TENM1: variants seen among roughly 807,000 people sequenced by gnomAD.
TENM1 encodes the protein teneurin-1.
In TENM1, 35 loss-of-function variants were observed where a neutral mutation model predicts 174.8. That is an observed-to-expected ratio of 0.20 (90% CI 0.15 to 0.27). The LOEUF (loss-of-function observed/expected upper bound fraction) is 0.27. TENM1 is among the 10% of genes least tolerant of loss of function. The probability of loss-of-function intolerance (pLI) is 1.00; values close to 1 mark genes in which losing one functional copy is unlikely to be tolerated. For missense variants in TENM1, 1,633 were observed against 2,130.1 expected (o/e 0.77, Z 4.59); for synonymous variants, 781 against 798.7 (o/e 0.98, Z 0.37).
chrX:124,879,754 C>CT, intron 3 of TENM1, among the ~76,000 whole-genome samples: 1 of 112,331 alleles, frequency 8.9e-6, no homozygotes, highest in African/African-American at 3.2e-5. Flanking sequence ...TAAGAGTTCC[C>CT]TTTTCTCCTC....
At chrX:124,912,981 C>A (rs1187365329) in intron 1 of TENM1, among the ~76,000 whole-genome samples, 1 of 110,814 alleles carries the variant, frequency 9.0e-6, no homozygotes, top group East Asian at 2.8e-4. Context: ...AAAAATATCA[C>A]TAGATTCCAA....
chrX:124,646,467 G>A (rs140094012), intron 9 of TENM1, among the ~76,000 whole-genome samples: 4,048 of 111,948 alleles, frequency 0.036, 190 homozygotes, highest in African/African-American at 0.12. Context: ...ATAAAAATTG[G>A]ATAATAGCAG....
At chrX:124,899,596 G>A (rs1057479395) in intron 1 of TENM1, among the ~76,000 whole-genome samples, 3 of 111,516 alleles carry the variant, frequency 2.7e-5, no homozygotes, top group African/African-American at 9.8e-5. Flanking sequence ...GAGTGCATAC[G>A]TCTTTATGGT....
At chrX:124,818,461 T>C (rs1459723817) in intron 3 of TENM1, among the ~76,000 whole-genome samples, 1 of 112,189 alleles carries the variant, frequency 8.9e-6, no homozygotes, top group Non-Finnish European at 1.9e-5. Context: ...ATCATTATCA[T>C]TGTCATCATA....
Position 124,381,215 on chromosome X carries a change from C to T in TENM1, c.7520G>A (p.Arg2507Gln), listed in dbSNP as rs750525156. ...TTCAAGGCACCGTCCATCATTGTAT[C>T]GGGGAGTCATAGGTAGTTGGTCCAA... Residue 2507 changes from arginine (R) to glutamine (Q), a missense_variant, in exon 32 of 32, where the codon CGA becomes CAA. Physicochemically the swap from Arg to Gln is conservative, Grantham distance 43 (BLOSUM62 1). Transcript: ENST00000422452. 1.6e-5 allele frequency: 19 copies of T among 1,204,842 alleles called. No individual in the cohort carries two copies. In the South Asian group the frequency reaches 2.3e-4, roughly 15 times the overall value.
chrX:124,715,775 C>G (rs2053168713), intron 4 of TENM1, among the ~76,000 whole-genome samples: 1 of 110,499 alleles, frequency 9.0e-6, no homozygotes, highest in Admixed American at 9.7e-5. Context: ...CTGCCTCAGA[C>G]TCCCGTTCAA....
chrX:124,468,465 C>T (rs1406896479), intron 22 of TENM1, among the ~76,000 whole-genome samples: 4 of 112,476 alleles, frequency 3.6e-5, no homozygotes, highest in Admixed American at 1.9e-4. Flanking sequence ...CGTCAGCCAC[C>T]GCGCCCGCGC....
chrX:124,686,134 C>T (rs909906724), intron 5 of TENM1, among the ~76,000 whole-genome samples: 1 of 111,409 alleles, frequency 9.0e-6, no homozygotes, highest in African/African-American at 3.3e-5. Flanking sequence ...TACAGAGAAC[C>T]TTCAAAGGAA....
intron 14 of TENM1, among the ~76,000 whole-genome samples, chrX:124,553,644 A>C (rs1037376014): frequency 5.6e-5 from 6 of 106,725 alleles, no homozygotes; most frequent in Non-Finnish European, 7.7e-5. Context: ...AAAAAAAAAA[A>C]CAAATTTTCT....
At chrX:124,968,482 G>A (rs775856710), upstream of TENM1, among the ~76,000 whole-genome samples, 3 of 111,038 alleles carry the variant, frequency 2.7e-5, no homozygotes, top group Non-Finnish European at 3.8e-5. Context: ...TATTTGTAAC[G>A]AGAGAGAGAG....
chrX:124,622,247 G>T (rs2148330369), intron 11 of TENM1, among the ~76,000 whole-genome samples: 1 of 111,830 alleles, frequency 8.9e-6, no homozygotes, highest in African/African-American at 3.2e-5. Flanking sequence ...CACATTCATA[G>T]GTCGAATATC....
chrX:124,842,189 A>T (rs2056516308), intron 3 of TENM1, among the ~76,000 whole-genome samples: 1 of 111,333 alleles, frequency 9.0e-6, no homozygotes. Context: ...CCATATTACC[A>T]TGGCCCAATA....
chrX:124,849,418 TTTTTTTCTCTCTCTCTCTCTCTCTGTTGC>T (rs1261003910), intron 3 of TENM1, among the ~76,000 whole-genome samples: 3 of 108,080 alleles, frequency 2.8e-5, no homozygotes, highest in African/African-American at 1.1e-4. Flanking sequence ...TCTCTCTTTC[TTTTTTTCTCTCTCTCTCTCTCTCTGTTGC>T]TGGCTTAGAC....
intron 15 of TENM1, among the ~76,000 whole-genome samples, chrX:124,533,123 C>T (rs1189687552): frequency 8.9e-6 from 1 of 112,033 alleles, no homozygotes; most frequent in Non-Finnish European, 1.9e-5. Flanking sequence ...ACATCAGCTC[C>T]AAATGGCCAT....
the TENM1 span, among the ~76,000 whole-genome samples, chrX:124,996,535 TA>T: frequency 1.3e-3 from 109 of 85,513 alleles, 1 homozygote; most frequent in Middle Eastern, 0.012. Context: ...GACATATGAC[TA>T]AAAAAAAAAA....
the TENM1 span, among the ~76,000 whole-genome samples, chrX:125,005,169 G>A: frequency 1.1e-5 from 1 of 90,459 alleles, no homozygotes; most frequent in Non-Finnish European, 2.2e-5. Context: ...AATTCTTCAG[G>A]ATGCTAAAAG....
chrX:124,454,960 A>AAC (rs200112038), intron 22 of TENM1, among the ~76,000 whole-genome samples: 1 of 111,538 alleles, frequency 9.0e-6, no homozygotes, highest in Non-Finnish European at 1.9e-5. Context: ...ACAACACACA[A>AAC]ACACACACAC....
intron 18 of TENM1, among the ~76,000 whole-genome samples, chrX:124,504,388 G>A (rs16999237): frequency 0.27 from 29,711 of 110,992 alleles, 3,714 homozygotes; most frequent in African/African-American, 0.49. Flanking sequence ...TACATTAAAC[G>A]TGGAACCTCG....
chrX:124,535,396 A>G (rs754567651), intron 15 of TENM1, among the ~76,000 whole-genome samples: 1 of 111,468 alleles, frequency 9.0e-6, no homozygotes, highest in East Asian at 2.8e-4. Context: ...GTCAGGCATG[A>G]ATTTTAACTC....
Sources: gnomAD v4.1 joint callset for allele counts (sites outside exome capture counted in the v4.1 genomes callset) on GRCh38, gnomAD v4.1.1 for gene constraint, MANE v1.5 for transcripts, NCBI Gene and HGNC (gene_info 2026-07-23, HGNC 2026-07-21) for gene names.